PIP5K1C: variants seen among roughly 807,000 people sequenced by gnomAD.
PIP5K1C encodes phosphatidylinositol 4-phosphate 5-kinase type-1 gamma.
Under a neutral mutation model 80.1 loss-of-function variants are expected in PIP5K1C, and 45 were observed. The observed-to-expected ratio is 0.56, with a 90% CI of 0.44 to 0.72. PIP5K1C has a LOEUF of 0.72. PIP5K1C is among the 30% of genes least tolerant of loss of function. PIP5K1C has a pLI of 0.00. For missense variants in PIP5K1C, 753 were observed against 954.6 expected (o/e 0.79, Z 2.78); for synonymous variants, 498 against 420.1 (o/e 1.19, Z -2.27).
At chr19:3,678,067 AG>A (rs2035439452) in intron 1 of PIP5K1C, among the ~76,000 whole-genome samples, 1 of 69,448 alleles carries the variant, frequency 1.4e-5, no homozygotes, top group African/African-American at 5.9e-5. Flanking sequence ...AGGGATGGAG[AG>A]ATGGAAGGAG....
At chr19:3,666,777 A>C (rs1325760621) in intron 2 of PIP5K1C, among the ~76,000 whole-genome samples, 2 of 152,164 alleles carry the variant, frequency 1.3e-5, no homozygotes, top group Non-Finnish European at 2.9e-5. Flanking sequence ...GCACGCAGGC[A>C]AACATGCACA....
At chr19:3,667,744 C>T (rs1005289697) in intron 1 of PIP5K1C, among the ~76,000 whole-genome samples, 1 of 152,230 alleles carries the variant, frequency 6.6e-6, no homozygotes, top group Non-Finnish European at 1.5e-5. Flanking sequence ...CCTTCACACC[C>T]AGACATGAGG....
chr19:3,659,644 C>T (rs746267835), intron 5 of PIP5K1C, among the ~76,000 whole-genome samples: 6 of 151,068 alleles, frequency 4.0e-5, no homozygotes, highest in African/African-American at 1.2e-4. Flanking sequence ...CACTGAAGTC[C>T]GGAGGCTGGG....
chr19:3,695,077 G>C (rs746244877), intron 1 of PIP5K1C, among the ~76,000 whole-genome samples: 1 of 152,230 alleles, frequency 6.6e-6, no homozygotes, highest in African/African-American at 2.4e-5. Context: ...GGACAGATTC[G>C]GGTGGGGTCT....
At chr19:3,681,420 C>T (rs1184903465) in intron 1 of PIP5K1C, among the ~76,000 whole-genome samples, 7 of 151,910 alleles carry the variant, frequency 4.6e-5, no homozygotes, top group African/African-American at 1.2e-4. Flanking sequence ...CTAGTAGCGA[C>T]GGAATTTTGC....
In PIP5K1C at chr19:3,636,314, A is replaced by G. The variant is rs1599917894; in HGVS notation, c.1920+2570T>C. 2.0e-5 allele frequency: 18 copies of G among 909,544 alleles called. No individual in the cohort carries two copies. The Middle Eastern group carries it at 1.7e-3, about 84-fold the overall frequency. 56.3% of individuals were successfully genotyped at this position (909,544 alleles called of 1,614,324 possible). A position where few individuals can be genotyped will look rare whatever the true frequency, so the allele number is the denominator to read the frequency against. ...AGAACCGGGTGACCCCAGGAAGACC[A>G]GAACCAAGGGCACAGCCTCTTCAGC... On this transcript the variant is annotated intron_variant, in intron 16 of 17. Transcript: ENST00000335312.
rs1430572559 is a variant in PIP5K1C, at chr19:3,688,743, A to AG, written c.94+11553dup. 1.3e-5 allele frequency among the ~76,000 whole-genome samples: 2 copies of AG among 151,468 alleles called. No individual in the cohort carries two copies. The highest frequency in any genetic ancestry group is 2.9e-5 in the Non-Finnish European group (2 of 67,862). On this transcript the variant is annotated intron_variant, in intron 1 of 17. Transcript: ENST00000335312. The surrounding 1 kb of genome is among the most constrained non-coding windows in gnomAD (Gnocchi z 5.3). ...GGACTGAGAGCGGAAAGAGAGAGAG[A>AG]GAGAGGAGAGTGGGGGGAGAACGAG...
In PIP5K1C at chr19:3,638,945, T is replaced by G; in HGVS notation, c.1859A>C (p.Glu620Ala). Residue 620 changes from glutamate (E) to alanine (A), a missense_variant, in exon 16 of 18, where the codon GAG (glutamate) becomes GCG (alanine). Physicochemically the swap from Glu to Ala is moderately radical, Grantham distance 107 (BLOSUM62 -1). Around this residue, in one of 6 missense-constraint regions of PIP5K1C, gnomAD observed 315 missense variants for 294.5 expected, o/e 1.07. Transcript: ENST00000335312. ...VETASQASDE[E>A]GAPASQASDE... Reference sequence around the variant, plus strand: ...CGAGGCCTGGCTGGCAGGTGCGCCCTCCTCGTCTGAGGCCTGGCTGGCAGT... The same window carrying G: ...CGAGGCCTGGCTGGCAGGTGCGCCCGCCTCGTCTGAGGCCTGGCTGGCAGT... 2 of 1,612,312 alleles carry G rather than the reference T, an allele frequency of 1.2e-6. No homozygotes were observed. The highest frequency in any genetic ancestry group is 1.7e-6 in the Non-Finnish European group (2 of 1,179,884).
In PIP5K1C at chr19:3,675,517, G is replaced by A. The variant is rs542178034; in HGVS notation, c.95-8164C>T. ...CTCCATCATGGACCAAGGCTTTTGT[G>A]AAACGCAGTAAACAGCAACTACCGA... On this transcript the variant is annotated intron_variant, in intron 1 of 17. Transcript: ENST00000335312. 3.2e-4 allele frequency among the ~76,000 whole-genome samples: 48 copies of A among 152,304 alleles called. 1 individual carries two copies. Among genetic ancestry groups the A allele is most frequent in the African/African-American group, 1.1e-3 (47 of 41,564 alleles).
intron 12 of PIP5K1C, among the ~76,000 whole-genome samples, 154 bp from the exon 13 acceptor site, chr19:3,643,535 G>A (rs1389065713): frequency 6.6e-6 from 1 of 151,892 alleles, no homozygotes; most frequent in Non-Finnish European, 1.5e-5. Context: ...AGGGAAGGAC[G>A]ACGTTCCCCC....
intron 11 of PIP5K1C, among the ~76,000 whole-genome samples, chr19:3,645,324 G>T (rs759073171): frequency 2.0e-5 from 3 of 152,236 alleles, no homozygotes; most frequent in Non-Finnish European, 2.9e-5. Flanking sequence ...CAGACCCCAG[G>T]GGGGAATCCA....
At position 3,656,426 on chromosome 19, in the gene PIP5K1C, C is replaced by T. The variant is rs914027788; in HGVS notation, c.600G>A (p.Lys200=). The change falls in exon 6 of 18, where the codon AAG becomes AAA. Residue 200 remains lysine, a synonymous_variant. Coordinates refer to ENST00000335312, the MANE Select transcript of PIP5K1C (RefSeq NM_012398.3). ...GCACCATGTAGTAGCCAGGGAGCAG[C>T]TTCTGCAGGAACTCGGCCTCCTTGT... is the stretch of plus-strand genomic sequence containing the variant. ...VMHKEAEFLQ[K]LLPGYYMNLN... is the part of the protein sequence containing the mutation. 8 of 1,613,430 alleles carry T rather than the reference C, an allele frequency of 5.0e-6. No individual in the cohort carries two copies. The highest frequency in any genetic ancestry group is 2.7e-5 in the African/African-American group (2 of 74,954).
intron 1 of PIP5K1C, among the ~76,000 whole-genome samples, chr19:3,675,669 C>A (rs531506329): frequency 6.6e-6 from 1 of 152,128 alleles, no homozygotes; most frequent in African/African-American, 2.4e-5. Context: ...TATGAGTGTA[C>A]CCACATGCAA....
chr19:3,663,301 G>A (rs547029260), intron 3 of PIP5K1C, among the ~76,000 whole-genome samples: 1 of 152,238 alleles, frequency 6.6e-6, no homozygotes, highest in Non-Finnish European at 1.5e-5. Context: ...CCTGTCGCAG[G>A]TGCGAGGTGG....
At chr19:3,649,876 C>T (rs1335759044) in intron 8 of PIP5K1C, 2 of 280,312 alleles carry the variant, frequency 7.1e-6, no homozygotes, top group African/African-American at 4.6e-5. Flanking sequence ...CCCACACGTC[C>T]CCTGCCCAGC....
At chr19:3,680,475 T>G (rs1228609289) in intron 1 of PIP5K1C, among the ~76,000 whole-genome samples, 1 of 152,184 alleles carries the variant, frequency 6.6e-6, no homozygotes, top group Non-Finnish European at 1.5e-5. Context: ...CAGCTAATTT[T>G]TCTATTTTTA....
At chr19:3,669,295 C>G (rs530257696) in intron 1 of PIP5K1C, among the ~76,000 whole-genome samples, 2 of 152,310 alleles carry the variant, frequency 1.3e-5, no homozygotes, top group African/African-American at 2.4e-5. Context: ...CCTCCCTGCT[C>G]TGGGCTGGGC....
At position 3,693,855 on chromosome 19, in the gene PIP5K1C, A is replaced by C. The variant is rs1233306706; in HGVS notation, c.94+6442T>G. On this transcript the variant is annotated intron_variant, in intron 1 of 17. Transcript: ENST00000335312. ...GAGGCAGGAGGGCTGCTTGGGACCA[A>C]GGGTTCGAGACCCTCGCACCCTGGA... Among the ~76,000 whole-genome samples, 8 of 152,054 alleles carry C rather than the reference A, an allele frequency of 5.3e-5. No individual in the cohort carries two copies. The East Asian group carries it at 1.6e-3, about 30-fold the overall frequency.
chr19:3,700,189 G>A (rs2036252709), intron 1 of PIP5K1C, 108 bp downstream of exon 1: 2 of 558,086 alleles, frequency 3.6e-6, no homozygotes, highest in East Asian at 1.8e-4. Flanking sequence ...TGGAACCGGC[G>A]GCGCCCCCGC....
Sources: allele counts gnomAD v4.1 joint callset (sites outside exome capture counted in the v4.1 genomes callset), GRCh38; gene constraint gnomAD v4.1.1; regional missense constraint gnomAD v4.1.1; non-coding constraint Gnocchi (gnomAD v3.1); transcripts MANE v1.5; gene names NCBI Gene and HGNC (gene_info 2026-07-23, HGNC 2026-07-21).